DENND3: variants seen among roughly 807,000 people sequenced by gnomAD.
The protein encoded by DENND3 is DENN domain containing 3.
A neutral mutation model predicts 135.1 loss-of-function variants in DENND3; 88 were observed. The ratio of observed to expected loss-of-function variants is 0.65; its 90% confidence interval spans 0.55 to 0.78. The LOEUF (loss-of-function observed/expected upper bound fraction) is 0.78. DENND3 is among the 30% of genes least tolerant of loss of function. The pLI, the probability that DENND3 is intolerant of heterozygous loss-of-function variation, is 0.00. For synonymous variants in DENND3, 693 were observed against 712.3 expected (o/e 0.97, Z 0.43); for missense variants, 1,392 against 1,688.4 (o/e 0.82, Z 3.08).
intron 16 of DENND3, among the ~76,000 whole-genome samples, chr8:141,180,222 T>A (rs1274672929): frequency 6.6e-6 from 1 of 152,156 alleles, no homozygotes; most frequent in African/African-American, 2.4e-5. Context: ...CTCATGATGC[T>A]CCACATCCCA....
intron 1 of DENND3, among the ~76,000 whole-genome samples, chr8:141,132,378 ATGGAGTTTCACGCTTGTTGCCCAGGC>A (rs1386578984): frequency 4.0e-5 from 6 of 150,978 alleles, no homozygotes; most frequent in African/African-American, 1.2e-4. Context: ...TTTGTGGGGG[ATGGAGTTTCACGCTTGTTGCCCAGGC>A]TGGAGTACAA....
chr8:141,173,284 C>T (rs1005661277), intron 13 of DENND3, among the ~76,000 whole-genome samples: 1 of 152,238 alleles, frequency 6.6e-6, no homozygotes, highest in African/African-American at 2.4e-5. Context: ...TACAGAGACC[C>T]TTACTGGTGC....
chr8:141,132,016 C>T (rs533902976), intron 1 of DENND3, among the ~76,000 whole-genome samples: 4 of 152,070 alleles, frequency 2.6e-5, no homozygotes, highest in South Asian at 2.1e-4. Context: ...TGTGTGTCAC[C>T]GCTCTGTTCA....
Position 141,166,108 on chromosome 8 carries a change from A to G in DENND3, c.1554-82A>G, listed in dbSNP as rs909465121. 8.7e-6 allele frequency: 12 copies of G among 1,383,166 alleles called. No homozygotes were observed. Among genetic ancestry groups the G allele is most frequent in the Non-Finnish European group, 1.2e-5 (12 of 982,766 alleles). 85.7% of individuals were successfully genotyped at this position (1,383,166 alleles called of 1,614,324 possible). On this transcript the variant is annotated intron_variant, in intron 11 of 22. Transcript: ENST00000519811. The surrounding 1 kb of genome is among the most constrained non-coding windows in gnomAD (Gnocchi z 4.3). ...AAGAGTGTCATGTGCTCTTCATCAC[A>G]CTGGGAAAAATGCTTAGTTTAGGCT...
intron 13 of DENND3, chr8:141,173,709 G>A (rs1052507367): frequency 6.6e-6 from 1 of 152,218 alleles, no homozygotes. Context: ...TTTCAGACTC[G>A]GGATCTGAGG....
At position 141,180,782 on chromosome 8, in the gene DENND3, C is replaced by T. The variant is rs757492102; in HGVS notation, c.2872C>T (p.Leu958=). Residue 958 remains leucine, a synonymous_variant, in exon 17 of 23, where the codon CTG becomes TTG. Transcript: ENST00000519811. ...MTLPETTLET[L]KHKINPSAGE... is the part of the protein sequence containing the mutation. ...GCTTCCGGAGACAACCCTGGAAACA[C>T]TGAAGCATAAAATCAACCCCTCGGC... 5 of 1,613,592 alleles carry T rather than the reference C, an allele frequency of 3.1e-6. No homozygotes were observed. The highest frequency in any genetic ancestry group is 4.2e-6 in the Non-Finnish European group (5 of 1,179,848).
chr8:141,192,981 G>A lies in DENND3; in HGVS notation c.3636+318G>A, dbSNP rs546363819. On this transcript the variant is annotated intron_variant, in intron 22 of 22. Transcript: ENST00000519811. ...AGGTGTCGGCAGAGCCGCTTCCCTCGGGGGCTCGGGGGGAGCGTGCACTCC... is the reference window on the plus strand; with the variant it reads ...AGGTGTCGGCAGAGCCGCTTCCCTCAGGGGCTCGGGGGGAGCGTGCACTCC... 7.7e-5 allele frequency: 84 copies of A among 1,087,480 alleles called. No individual in the cohort carries two copies. The African/African-American group carries it at 8.7e-4, about 11-fold the overall frequency. The allele number at this position is 1,087,480 out of a possible 1,614,324, so 67.4% of individuals were successfully genotyped here. A position where few individuals can be genotyped will look rare whatever the true frequency, so the allele number is the denominator to read the frequency against.
At position 141,130,750 on chromosome 8, in the gene DENND3, A is replaced by G. The variant is rs1815962906; in HGVS notation, c.102+1941A>G. ...TGCCCAGGATGGAGTGCCATGGTGC[A>G]ATCTCGGCTCACTGCAATCTCCGCC... On this transcript the variant is annotated intron_variant, in intron 1 of 22. Coordinates refer to ENST00000519811, the MANE Select transcript of DENND3 (RefSeq NM_001352890.3). This position sits in a 1 kb window ranked among gnomAD's most constrained non-coding sequence, Gnocchi z 4.2. Among the ~76,000 whole-genome samples the G allele has an allele frequency of 6.6e-6, 1 of 151,094 alleles. No homozygotes were observed. Among genetic ancestry groups the G allele is most frequent in the Non-Finnish European group, 1.5e-5 (1 of 67,882 alleles).
chr8:141,168,297 A>G lies in DENND3; in HGVS notation c.2047A>G (p.Met683Val). ...TTTGGTGAAGAGGACGGTGGAATCC[A>G]TGTCTGCCCCTGAGTGGGAGGGGGC... ...TDLVKRTVESMSAPEWEGAEQ... is the reference protein window; with the variant it reads ...TDLVKRTVESVSAPEWEGAEQ... Residue 683 changes from methionine to valine, a missense_variant, in exon 13 of 23, where the codon ATG (methionine) becomes GTG (valine). Coordinates refer to ENST00000519811, the MANE Select transcript of DENND3 (RefSeq NM_001352890.3). The surrounding 1 kb of genome is among the most constrained non-coding windows in gnomAD (Gnocchi z 6.2). The G allele has an allele frequency of 1.2e-6, 2 of 1,614,066 alleles. No homozygotes were observed. The highest frequency in any genetic ancestry group is 1.6e-4 in the Middle Eastern group (1 of 6,062).
chr8:141,167,576 G>A lies in DENND3; in HGVS notation c.1754-428G>A, dbSNP rs1311281203. On this transcript the variant is annotated intron_variant, in intron 12 of 22. Transcript: ENST00000519811. This position sits in a 1 kb window ranked among gnomAD's most constrained non-coding sequence, Gnocchi z 4.1. ...AGTAACCCAGGCTGTGGAAGCCTCG[G>A]TTTCCGCATCTGTAGAACGGGACTA... Among the ~76,000 whole-genome samples, 1 of 152,180 alleles carries A rather than the reference G, an allele frequency of 6.6e-6. No homozygotes were observed. Among genetic ancestry groups the A allele is most frequent in the Non-Finnish European group, 1.5e-5 (1 of 68,038 alleles).
chr8:141,187,929 G>A lies in DENND3; in HGVS notation c.3085-1057G>A, dbSNP rs528573039. ...AGGCTGGGCGCAGTGGCTCACGCCT[G>A]TAATCCCAGCACTTTGGGGGGCCGA... On this transcript the variant is annotated intron_variant, in intron 18 of 22. Coordinates refer to ENST00000519811, the MANE Select transcript of DENND3 (RefSeq NM_001352890.3). Among the ~76,000 whole-genome samples the A allele has an allele frequency of 2.0e-5, 3 of 152,348 alleles. No individual in the cohort carries two copies. The South Asian group carries it at 6.2e-4, about 32-fold the overall frequency.
At chr8:141,172,330 G>A (rs1391498702) in intron 13 of DENND3, among the ~76,000 whole-genome samples, 1 of 152,074 alleles carries the variant, frequency 6.6e-6, no homozygotes, top group African/African-American at 2.4e-5. Flanking sequence ...AGTGTCCACA[G>A]GCTGGCTGAG....
chr8:141,128,753 C>G lies in DENND3; in HGVS notation c.46C>G (p.Leu16Val). ...GCACTTGTCGCTGCCCTCGGGGCTG[C>G]TGGAGCTCTGCGCGCTGCTGGGCGC... Reference protein sequence around the residue: ...SPHLSLPSGLLELCALLGAPR... With the variant: ...SPHLSLPSGLVELCALLGAPR... The change falls in exon 1 of 23, where the codon CTG becomes GTG. Residue 16 changes from leucine to valine, a missense_variant. Physicochemically the swap from Leu to Val is conservative, Grantham distance 32. Coordinates refer to ENST00000519811, the MANE Select transcript of DENND3 (RefSeq NM_001352890.3). This position sits in a 1 kb window ranked among gnomAD's most constrained non-coding sequence, Gnocchi z 4.5. 3 of 1,467,334 alleles carry G rather than the reference C, an allele frequency of 2.0e-6. No homozygotes were observed. Among genetic ancestry groups the G allele is most frequent in the Non-Finnish European group, 1.8e-6 (2 of 1,112,812 alleles). The allele number at this position is 1,467,334 out of a possible 1,614,324, so 90.9% of individuals were successfully genotyped here.
In DENND3 at chr8:141,194,576, G is replaced by A. The variant is rs751505680; in HGVS notation, c.*343G>A. 6 of 315,228 alleles carry A rather than the reference G, an allele frequency of 1.9e-5. No individual in the cohort carries two copies. The highest frequency in any genetic ancestry group is 1.3e-4 in the Admixed American group (3 of 23,342). 19.5% of individuals were successfully genotyped at this position (315,228 alleles called of 1,614,324 possible). A position where few individuals can be genotyped will look rare whatever the true frequency, so the allele number is the denominator to read the frequency against. ...GGCTGGCACTGGAGCCAGCAGCTTGGCCGAGTCACAGGTGACCCGTGGCCC... is the reference window on the plus strand; with the variant it reads ...GGCTGGCACTGGAGCCAGCAGCTTGACCGAGTCACAGGTGACCCGTGGCCC... On this transcript the variant is annotated 3_prime_UTR_variant, in exon 23 of 23. Coordinates refer to ENST00000519811, the MANE Select transcript of DENND3 (RefSeq NM_001352890.3).
intron 15 of DENND3, 188 bp from the exon 16 acceptor site, chr8:141,177,875 ACAAT>A (rs1452560645): frequency 2.9e-6 from 2 of 694,120 alleles, no homozygotes; most frequent in Admixed American, 7.2e-5. Flanking sequence ...CCTGGTATAA[ACAAT>A]CAATATTTGT....
chr8:141,150,704 C>A, intron 5 of DENND3, 130 bp from the exon 6 acceptor site: 1 of 1,191,618 alleles, frequency 8.4e-7, no homozygotes, highest in Non-Finnish European at 1.1e-6. Context: ...CAGAATTTAA[C>A]GTGGCAGCCT....
chr8:141,160,932 C>A lies in DENND3; in HGVS notation c.1352+145C>A, dbSNP rs528225897. ...GAGTGGTCCCCGCCCCCTGCCAAAG[C>A]TTTTCTTGTGACTGTAACAATCAGC... On this transcript the variant is annotated intron_variant, in intron 9 of 22. Transcript: ENST00000519811. 25 of 1,080,894 alleles carry A rather than the reference C, an allele frequency of 2.3e-5. 1 individual carries two copies. The South Asian group carries it at 4.4e-4, about 19-fold the overall frequency. The allele number at this position is 1,080,894 out of a possible 1,614,324, so 67.0% of individuals were successfully genotyped here. A position where few individuals can be genotyped will look rare whatever the true frequency, so the allele number is the denominator to read the frequency against.
rs943926052 is a variant in DENND3 at position 141,139,044 on chromosome 8, G to C, written c.501+907G>C. ...GAATCAGTGGGCCTTTGGGGAACTC[G>C]TAGGGGAAACGATGTATCCAAAGGT... On this transcript the variant is annotated intron_variant, in intron 3 of 22. Coordinates refer to ENST00000519811, the MANE Select transcript of DENND3 (RefSeq NM_001352890.3). The surrounding 1 kb of genome is among the most constrained non-coding windows in gnomAD (Gnocchi z 4.2). 2.0e-5 allele frequency among the ~76,000 whole-genome samples: 3 copies of C among 152,298 alleles called. No homozygotes were observed. Among genetic ancestry groups the C allele is most frequent in the Non-Finnish European group, 2.9e-5 (2 of 68,024 alleles).
intron 13 of DENND3, among the ~76,000 whole-genome samples, chr8:141,170,572 C>A (rs185392178): frequency 3.9e-5 from 6 of 152,084 alleles, no homozygotes; most frequent in African/African-American, 1.4e-4. Context: ...TTGTGGAGTC[C>A]GATGAGGGTG....
Sources: gnomAD v4.1 joint callset for allele counts (sites outside exome capture counted in the v4.1 genomes callset) on GRCh38, gnomAD v4.1.1 for gene constraint, Gnocchi (gnomAD v3.1) non-coding constraint, MANE v1.5 for transcripts, NCBI Gene and HGNC (gene_info 2026-07-23, HGNC 2026-07-21) for gene names.